DIABLO: variants seen among roughly 807,000 people sequenced by gnomAD.
DIABLO encodes the protein diablo homolog, mitochondrial.
Under a neutral mutation model 31.7 loss-of-function variants are expected in DIABLO, and 32 were observed. That is an observed-to-expected ratio of 1.01 (90% CI 0.76 to 1.35). The LOEUF is 1.35. Ranked by LOEUF, DIABLO falls within the 40% of genes most tolerant of loss-of-function variation. DIABLO has a pLI of 0.00. For synonymous variants in DIABLO, 132 were observed against 103.2 expected (o/e 1.28, Z -1.69); for missense variants, 316 against 286.4 (o/e 1.10, Z -0.75).
At chr12:122,218,858 G>A (rs941795452) in intron 2 of DIABLO, 15 of 196,458 alleles carry the variant, frequency 7.6e-5, no homozygotes, top group Non-Finnish European at 1.0e-4. Flanking sequence ...CAGGAGAATC[G>A]ACTGAACCCA....
intron 2 of DIABLO, chr12:122,221,246 C>T (rs906251601): frequency 2.6e-5 from 4 of 152,174 alleles, no homozygotes; most frequent in Non-Finnish European, 5.9e-5. Context: ...TACCTAGAAT[C>T]AGAATGGCCA....
rs936807443 is a variant in DIABLO at position 122,208,329 on chromosome 12, C to T, written c.*52G>A. 2 of 1,600,544 alleles carry T rather than the reference C, an allele frequency of 1.2e-6. No individual in the cohort carries two copies. Among genetic ancestry groups the T allele is most frequent in the Non-Finnish European group, 8.5e-7 (1 of 1,173,744 alleles). On this transcript the variant is annotated 3_prime_UTR_variant, in exon 6 of 6. Coordinates refer to ENST00000464942, the MANE Select transcript of DIABLO (RefSeq NM_001371333.1). The stretch of plus-strand genomic sequence containing the variant: ...ATGCCAACCCTGGGCAGGGTGGCAT[C>T]TGCCCCTGCTTTCCCCACTGAGTGG...
At chr12:122,225,099 G>C in intron 1 of DIABLO, 1 of 332,176 alleles carries the variant, frequency 3.0e-6, no homozygotes, top group Non-Finnish European at 5.8e-6. Context: ...TGTAATCCCA[G>C]CTACTCGGGA....
Position 122,218,401 on chromosome 12 carries a change from A to C in DIABLO, c.184-4T>G. On this transcript the variant is annotated splice_polypyrimidine_tract_variant and splice_region_variant and intron_variant, in intron 2 of 5. Coordinates refer to ENST00000464942, the MANE Select transcript of DIABLO (RefSeq NM_001371333.1). The stretch of plus-strand genomic sequence containing the variant: ...TAAGGGAATGAGGCTCTGATTTCTG[A>C]AAGACACAAACATTGTCACTCAACC... 1.9e-6 allele frequency: 3 copies of C among 1,614,106 alleles called. No individual in the cohort carries two copies. Among genetic ancestry groups the C allele is most frequent in the Non-Finnish European group, 1.7e-6 (2 of 1,180,018 alleles).
intron 5 of DIABLO, among the ~76,000 whole-genome samples, chr12:122,209,449 A>G (rs575273821): frequency 8.2e-4 from 125 of 151,842 alleles, no homozygotes; most frequent in African/African-American, 2.9e-3. Flanking sequence ...GGACTGCCTG[A>G]GCTCAGGAGT....
chr12:122,224,291 T>G (rs1954397452), intron 2 of DIABLO, among the ~76,000 whole-genome samples: 1 of 152,154 alleles, frequency 6.6e-6, no homozygotes, highest in African/African-American at 2.4e-5. Context: ...CTTATTTCTC[T>G]CTACTCGCTT....
In DIABLO at chr12:122,216,872, A is replaced by G; in HGVS notation, c.316-3T>C. 6.2e-7 allele frequency: 1 copy of G among 1,608,058 alleles called. No individual in the cohort carries two copies. The highest frequency in any genetic ancestry group is 8.5e-7 in the Non-Finnish European group (1 of 1,174,740). ...AGAGAAGTTAAGGTATAAACAGCCT[A>G]CAAATAGAGAATGAACAAGTCTGAG... is the stretch of plus-strand genomic sequence containing the variant. On this transcript the variant is annotated splice_polypyrimidine_tract_variant and splice_region_variant and intron_variant, in intron 3 of 5. Transcript: ENST00000464942.
intron 2 of DIABLO, among the ~76,000 whole-genome samples, chr12:122,223,922 TC>T (rs1316652254): frequency 6.6e-6 from 1 of 152,176 alleles, no homozygotes; most frequent in African/African-American, 2.4e-5. Flanking sequence ...TGCCTCAGCC[TC>T]CTGAGTAGTT....
intron 2 of DIABLO, chr12:122,220,750 T>C (rs1039312778): frequency 6.6e-6 from 1 of 152,246 alleles, no homozygotes; most frequent in Non-Finnish European, 1.5e-5. Flanking sequence ...TCAGAATCAC[T>C]GCATGTTGAA....
intron 2 of DIABLO, among the ~76,000 whole-genome samples, chr12:122,219,427 C>T (rs1228410396): frequency 1.4e-4 from 22 of 152,062 alleles, no homozygotes; most frequent in Non-Finnish European, 5.9e-5. Context: ...AAAATGAACA[C>T]AATCATGTAT....
intron 5 of DIABLO, among the ~76,000 whole-genome samples, chr12:122,216,118 T>G (rs1954206421): frequency 6.6e-6 from 1 of 152,198 alleles, no homozygotes; most frequent in Non-Finnish European, 1.5e-5. Flanking sequence ...ACAAAAAGGT[T>G]CACATAGATT....
At chr12:122,222,537 AGC>A (rs1461543685) in intron 2 of DIABLO, 1 of 148,716 alleles carries the variant, frequency 6.7e-6, no homozygotes, top group Non-Finnish European at 1.5e-5. Context: ...CAGGAGGCAG[AGC>A]TTCCTGGGCA....
Position 122,225,998 on chromosome 12 carries a change from C to T in DIABLO, c.17G>A (p.Ser6Asn). 5.0e-6 allele frequency: 8 copies of T among 1,603,542 alleles called. No homozygotes were observed. Among genetic ancestry groups the T allele is most frequent in the East Asian group, 2.2e-5 (1 of 44,540 alleles). The change falls in exon 1 of 6, where the codon AGT becomes AAT. Residue 6 changes from serine to asparagine, a missense_variant. Coordinates refer to ENST00000464942, the MANE Select transcript of DIABLO (RefSeq NM_001371333.1). ...TGAAGTTACGCTGCGCGACAGCCAA[C>T]TCTTCAGAGCCGCCATTGTGCAGCG... MAALK[S>N]WLSRSVTSFF...
At chr12:122,218,425 C>T in intron 2 of DIABLO, 28 bp from the exon 3 acceptor site, 3 of 1,613,870 alleles carry the variant, frequency 1.9e-6, no homozygotes, top group Non-Finnish European at 2.5e-6. Flanking sequence ...TGTCACTCAA[C>T]CTCTAAAGCT....
In DIABLO at chr12:122,224,646, TG is replaced by T. The variant is rs755042526; in HGVS notation, c.51-3del. On this transcript the variant is annotated splice_polypyrimidine_tract_variant and splice_region_variant and intron_variant, in intron 1 of 5. Transcript: ENST00000464942. ...GGAACACACAAACACTGTCTGTACC[TG>T]GAAGTAGAAGTCAGATTTCATAAGG... The T allele has an allele frequency of 1.4e-5, 22 of 1,614,070 alleles. No individual in the cohort carries two copies. Among genetic ancestry groups the T allele is most frequent in the Non-Finnish European group, 1.7e-5 (20 of 1,180,038 alleles).
chr12:122,209,854 C>CA, intron 5 of DIABLO: 1 of 701,720 alleles, frequency 1.4e-6, no homozygotes, highest in African/African-American at 1.7e-5. Context: ...TCGATGAAAA[C>CA]ACTTCTGAAA....
Position 122,208,118 on chromosome 12 carries a change from TA to T in DIABLO, c.*262del, listed in dbSNP as rs138260989. 62 of 658,574 alleles carry T rather than the reference TA, an allele frequency of 9.4e-5. No individual in the cohort carries two copies. Among genetic ancestry groups the T allele is most frequent in the East Asian group, 3.0e-4 (10 of 33,232 alleles). The allele number at this position is 658,574 out of a possible 1,614,324, so 40.8% of individuals were successfully genotyped here. On this transcript the variant is annotated 3_prime_UTR_variant, in exon 6 of 6. Coordinates refer to ENST00000464942, the MANE Select transcript of DIABLO (RefSeq NM_001371333.1). Reference sequence around the variant, plus strand: ...TAGGCAAAATGCTTTGGGTGTGAGGTAAAAAAAATGGGTAAGAGCAGCTGTA... The same window carrying T: ...TAGGCAAAATGCTTTGGGTGTGAGGTAAAAAAATGGGTAAGAGCAGCTGTA...
At chr12:122,215,510 A>G (rs928915913) in intron 5 of DIABLO, among the ~76,000 whole-genome samples, 54 of 152,310 alleles carry the variant, frequency 3.5e-4, no homozygotes, top group Non-Finnish European at 6.0e-4. Context: ...AGGCTGAGGC[A>G]GGAGAATCAC....
chr12:122,213,140 C>T (rs781486417), intron 5 of DIABLO, among the ~76,000 whole-genome samples: 28 of 152,046 alleles, frequency 1.8e-4, no homozygotes, highest in Admixed American at 4.6e-4. Context: ...TCTCGAACTC[C>T]TGAGCTCAAG....
Sources: allele counts gnomAD v4.1 joint callset (sites outside exome capture counted in the v4.1 genomes callset), GRCh38; gene constraint gnomAD v4.1.1; transcripts MANE v1.5; gene names NCBI Gene and HGNC (gene_info 2026-07-23, HGNC 2026-07-21).